PALM2AKAP2: variants seen among roughly 807,000 people sequenced by gnomAD.
PALM2AKAP2 encodes the protein PALM2 and AKAP2 fusion.
PALM2AKAP2 carries 37 observed loss-of-function variants against 71.5 expected under a neutral mutation model. That is an observed-to-expected ratio of 0.52 (90% CI 0.40 to 0.68). The LOEUF (loss-of-function observed/expected upper bound fraction) is 0.68, where lower values mean the gene tolerates loss of function less well. Among genes scored for constraint, PALM2AKAP2 ranks in the 30% least tolerant of loss-of-function variants. The probability of loss-of-function intolerance (pLI) is 0.00; values close to 1 mark genes in which losing one functional copy is unlikely to be tolerated. For synonymous variants in PALM2AKAP2, 468 were observed against 478.8 expected, an observed-to-expected ratio of 0.98 and a Z score of 0.29; for missense variants, 1,224 against 1,191.8, an observed-to-expected ratio of 1.03 and a Z score of -0.40.
At chr9:109,821,039 T>C (rs1827984336) in intron 1 of PALM2AKAP2, among the ~76,000 whole-genome samples, 1 of 152,198 alleles carries the variant, frequency 6.6e-6, no homozygotes. Flanking sequence ...TAAGTAGATC[T>C]ATTTTAGTCT....
At chr9:110,055,203 T>C (rs1227865043) in intron 1 of PALM2AKAP2, among the ~76,000 whole-genome samples, 1 of 151,814 alleles carries the variant, frequency 6.6e-6, no homozygotes, top group South Asian at 2.1e-4. Context: ...TATTTATTTA[T>C]TTATTTTTTG....
At chr9:109,666,401 A>C (rs1396775837) in intron 1 of PALM2AKAP2, among the ~76,000 whole-genome samples, 1 of 152,234 alleles carries the variant, frequency 6.6e-6, no homozygotes, top group Non-Finnish European at 1.5e-5. Context: ...TTGGAAAAAC[A>C]ACTCTTAAAT....
At chr9:110,010,756 T>C (rs1164229418) in intron 6 of PALM2AKAP2, among the ~76,000 whole-genome samples, 1 of 148,812 alleles carries the variant, frequency 6.7e-6, no homozygotes, top group Admixed American at 6.7e-5. Context: ...TCCCAGCACT[T>C]TGGGAGGCCG....
At position 109,801,692 on chromosome 9, in the gene PALM2AKAP2, C is replaced by T. The variant is rs576883081; in HGVS notation, c.45+21159C>T. 2.0e-5 allele frequency among the ~76,000 whole-genome samples: 3 copies of T among 151,358 alleles called. No individual in the cohort carries two copies. In the East Asian group the frequency reaches 5.8e-4, roughly 29 times the overall value. Reference sequence around the variant, plus strand: ...AATGCTCAGGCCAGAGCTGGGCCAGCTGCCCAGGTGTTGATATGTGTGTGT... The same window carrying T: ...AATGCTCAGGCCAGAGCTGGGCCAGTTGCCCAGGTGTTGATATGTGTGTGT... On this transcript the variant is annotated intron_variant, in intron 1 of 9. Coordinates refer to the PALM2AKAP2 transcript ENST00000302798.
intron 6 of PALM2AKAP2, among the ~76,000 whole-genome samples, chr9:109,957,241 T>C (rs992159833): frequency 3.3e-5 from 5 of 152,204 alleles, no homozygotes; most frequent in African/African-American, 9.6e-5. Flanking sequence ...GCTGAGTTAA[T>C]TGAGCAAAGT....
At chr9:110,080,193 G>A (rs573544817) in intron 1 of PALM2AKAP2, among the ~76,000 whole-genome samples, 1 of 151,886 alleles carries the variant, frequency 6.6e-6, no homozygotes, top group African/African-American at 2.4e-5. Context: ...GCTAGGCATA[G>A]TGCCAGGCAG....
At chr9:110,109,365 A>T (rs1476090775) in intron 1 of PALM2AKAP2, among the ~76,000 whole-genome samples, 1 of 151,218 alleles carries the variant, frequency 6.6e-6, no homozygotes, top group Non-Finnish European at 1.5e-5. Context: ...TTAAAAAAAA[A>T]AAAAAGAAAA....
intron 1 of PALM2AKAP2, among the ~76,000 whole-genome samples, chr9:109,744,497 G>A (rs1388574526): frequency 6.6e-6 from 1 of 152,014 alleles, no homozygotes. Context: ...TCTTTAAATG[G>A]GAAAGTTTCC....
chr9:109,948,601 G>A (rs972988065), intron 6 of PALM2AKAP2, among the ~76,000 whole-genome samples: 1 of 152,036 alleles, frequency 6.6e-6, no homozygotes, highest in Non-Finnish European at 1.5e-5. Context: ...TACAGGTTGA[G>A]GTATAAAGGG....
intron 6 of PALM2AKAP2, among the ~76,000 whole-genome samples, chr9:109,935,253 A>G (rs1321674581): frequency 6.6e-6 from 1 of 152,136 alleles, no homozygotes; most frequent in Non-Finnish European, 1.5e-5. Context: ...TCAGTTTAGT[A>G]CCCCCTCAAA....
At chr9:109,758,827 G>T (rs1367427374) in intron 1 of PALM2AKAP2, among the ~76,000 whole-genome samples, 2 of 152,034 alleles carry the variant, frequency 1.3e-5, no homozygotes, top group African/African-American at 4.8e-5. Flanking sequence ...TACAATTTGA[G>T]TCTCATGTTG....
At chr9:109,961,792 C>G (rs1272323015) in intron 6 of PALM2AKAP2, among the ~76,000 whole-genome samples, 1 of 152,230 alleles carries the variant, frequency 6.6e-6, no homozygotes, top group Non-Finnish European at 1.5e-5. Context: ...TGTAGGGTGA[C>G]AGTCAGCCTC....
chr9:110,106,866 A>G (rs556747420), intron 1 of PALM2AKAP2, among the ~76,000 whole-genome samples: 5 of 152,344 alleles, frequency 3.3e-5, no homozygotes, highest in East Asian at 1.9e-4. Flanking sequence ...GAAATATTCA[A>G]TTCCAGCAAT....
In PALM2AKAP2 at chr9:110,096,951, TATTTATTTATTA is replaced by T. The variant is rs1198622730; in HGVS notation, c.157-39175_157-39164del. On this transcript the variant is annotated intron_variant, in intron 1 of 3. Coordinates refer to ENST00000374525, the Ensembl canonical transcript of PALM2AKAP2. ...CTTTTTATTTATTTATTTATTTATT[TATTTATTTATTA>T]TTTTTTTTATTGATCATTCTTGGGT... Among the ~76,000 whole-genome samples the T allele has an allele frequency of 2.5e-3, 321 of 127,666 alleles. 2 individuals carry two copies. Among genetic ancestry groups the T allele is most frequent in the African/African-American group, 9.3e-3 (277 of 29,692 alleles). The allele number at this position is 127,666 out of a possible 152,430, so 83.8% of individuals were successfully genotyped here.
intron 1 of PALM2AKAP2, among the ~76,000 whole-genome samples, chr9:109,799,048 C>G (rs2131389898): frequency 6.6e-6 from 1 of 152,336 alleles, no homozygotes; most frequent in South Asian, 2.1e-4. Flanking sequence ...CTCTAGGACC[C>G]AGTCCTAGCA....
At chr9:109,841,515 T>TA (rs369447070) in intron 1 of PALM2AKAP2, among the ~76,000 whole-genome samples, 1,860 of 18,670 alleles carry the variant, frequency 0.1, 113 homozygotes, top group African/African-American at 0.19. Context: ...TAAAGTATAA[T>TA]AAAAAAAAAA....
chr9:110,144,433 C>T (rs1836111798), intron 2 of PALM2AKAP2, among the ~76,000 whole-genome samples: 1 of 152,232 alleles, frequency 6.6e-6, no homozygotes, highest in Non-Finnish European at 1.5e-5. Context: ...CTTAAAGCTG[C>T]ATATAATACT....
chr9:110,119,729 T>C (rs1835444491), intron 1 of PALM2AKAP2, among the ~76,000 whole-genome samples: 1 of 152,242 alleles, frequency 6.6e-6, no homozygotes, highest in Non-Finnish European at 1.5e-5. Context: ...GAACCGTCTA[T>C]CCATATCTTT....
intron 1 of PALM2AKAP2, among the ~76,000 whole-genome samples, chr9:109,723,959 T>G (rs1828440390): frequency 6.6e-6 from 1 of 152,228 alleles, no homozygotes; most frequent in South Asian, 2.1e-4. Context: ...GTTTGGACTT[T>G]GACCTAAAGG....
Sources: gnomAD v4.1 joint callset for allele counts (sites outside exome capture counted in the v4.1 genomes callset) on GRCh38, gnomAD v4.1.1 for gene constraint, MANE v1.5 for transcripts, NCBI Gene and HGNC (gene_info 2026-07-23, HGNC 2026-07-21) for gene names.